Variants in GCA observed in about 807,000 individuals in gnomAD.
GCA encodes grancalcin, EF-hand calcium-binding protein.
A neutral mutation model predicts 32.6 loss-of-function variants in GCA; 30 were observed. The observed-to-expected ratio is 0.92, with a 90% CI of 0.69 to 1.25. The LOEUF (loss-of-function observed/expected upper bound fraction) is 1.25. Among genes scored for constraint, GCA ranks in the 50% most tolerant of loss-of-function variants. The pLI, the probability that GCA is intolerant of heterozygous loss-of-function variation, is 0.00. For missense variants in GCA, 291 were observed against 266.8 expected, an observed-to-expected ratio of 1.09 and a Z score of -0.63; for synonymous variants, 102 against 84.6, an observed-to-expected ratio of 1.21 and a Z score of -1.13.
intron 1 of GCA, among the ~76,000 whole-genome samples, chr2:162,321,847 A>G (rs1240497246): frequency 7.0e-6 from 1 of 143,612 alleles, no homozygotes; most frequent in East Asian, 2.1e-4. Flanking sequence ...GCTAGTCTTC[A>G]AAGAATGCAC....
chr2:162,365,105 GA>G (rs899168619), downstream of GCA, among the ~76,000 whole-genome samples: 3 of 151,294 alleles, frequency 2.0e-5, no homozygotes, highest in Non-Finnish European at 4.4e-5. Context: ...TAAAATGTTG[GA>G]AAAAGTTGGC....
chr2:162,352,549 C>T (rs1043808225), intron 3 of GCA, 142 bp downstream of exon 3: 15 of 590,096 alleles, frequency 2.5e-5, no homozygotes, highest in African/African-American at 3.8e-5. Flanking sequence ...CTGTAAAACT[C>T]GTTATGAAAA....
At chr2:162,336,109 A>AT (rs751776757) in intron 1 of GCA, among the ~76,000 whole-genome samples, 149 of 151,808 alleles carry the variant, frequency 9.8e-4, no homozygotes, top group Non-Finnish European at 1.6e-3. Flanking sequence ...ATATCAGCTG[A>AT]TTTTTTTTTG....
At chr2:162,321,909 TA>T (rs1558881564) in intron 1 of GCA, among the ~76,000 whole-genome samples, 2 of 108,150 alleles carry the variant, frequency 1.8e-5, no homozygotes, top group Non-Finnish European at 3.9e-5. Flanking sequence ...TATATATATA[TA>T]TATATATATA....
chr2:162,371,984 G>T, downstream of GCA: 1 of 1,613,808 alleles, frequency 6.2e-7, no homozygotes, highest in Non-Finnish European at 8.5e-7. Flanking sequence ...TCACTGTCTT[G>T]TTTTAAAAGT....
At chr2:162,321,808 T>C (rs533216552) in intron 1 of GCA, among the ~76,000 whole-genome samples, 1 of 150,170 alleles carries the variant, frequency 6.7e-6, no homozygotes, top group South Asian at 2.1e-4. Flanking sequence ...ACTACGCTTA[T>C]ATAAAAATTA....
intron 1 of GCA, among the ~76,000 whole-genome samples, chr2:162,337,440 C>G (rs1684303901): frequency 6.6e-6 from 1 of 152,174 alleles, no homozygotes; most frequent in South Asian, 2.1e-4. Context: ...GTTTATCTTA[C>G]CTATGTCAAC....
rs77927151 is a variant in GCA, at chr2:162,362,185, C to T, written c.*1942C>T. The T allele has an allele frequency of 1.8e-3, 1,762 of 984,384 alleles. 64 individuals carry two copies. In the East Asian group the frequency reaches 0.086, roughly 48 times the overall value. The allele number at this position is 984,384 out of a possible 1,614,324, so 61.0% of individuals were successfully genotyped here. On this transcript the variant is annotated 3_prime_UTR_variant, in exon 8 of 8. Transcript: ENST00000437150. Reference sequence around the variant, plus strand: ...CAAGGTATATTAGCATCTGAAACCCCAAGGTTAATAAAATCAGTCATGTTT... The same window carrying T: ...CAAGGTATATTAGCATCTGAAACCCTAAGGTTAATAAAATCAGTCATGTTT...
intron 2 of GCA, among the ~76,000 whole-genome samples, chr2:162,350,214 C>G (rs1474543989): frequency 1.1e-4 from 16 of 152,140 alleles, no homozygotes; most frequent in Admixed American, 1.0e-3. Context: ...GGGAGCAAGC[C>G]TTGGCTGTGG....
chr2:162,319,862 G>A (rs144816123), intron 1 of GCA, among the ~76,000 whole-genome samples: 1 of 152,292 alleles, frequency 6.6e-6, no homozygotes, highest in Non-Finnish European at 1.5e-5. Context: ...GTGTAGGCCA[G>A]GAAAACCTGA....
chr2:162,361,395 T>C lies in GCA; in HGVS notation c.*1152T>C. On this transcript the variant is annotated 3_prime_UTR_variant, in exon 8 of 8. Coordinates refer to ENST00000437150, the MANE Select transcript of GCA (RefSeq NM_012198.5). ...CACCTCATGTCTGTCTTAGTGAAGA[T>C]TTAATAAACCACTTATTTTTCTTAT... The C allele has an allele frequency of 1.0e-6, 1 of 978,442 alleles. No individual in the cohort carries two copies. The highest frequency in any genetic ancestry group is 1.2e-6 in the Non-Finnish European group (1 of 823,744). The allele number at this position is 978,442 out of a possible 1,614,324, so 60.6% of individuals were successfully genotyped here. A position where few individuals can be genotyped will look rare whatever the true frequency, so the allele number is the denominator to read the frequency against.
chr2:162,336,223 A>C (rs1684266019), intron 1 of GCA, among the ~76,000 whole-genome samples: 1 of 152,226 alleles, frequency 6.6e-6, no homozygotes, highest in Admixed American at 6.5e-5. Flanking sequence ...AAATTTATAC[A>C]TGAAAAGCTA....
At position 162,347,795 on chromosome 2, in the gene GCA, G is replaced by T. The variant is rs1477857037; in HGVS notation, c.192+53G>T. ...ATGTCTTTAAAATTATTGTTTAAGA[G>T]AAATGTCAGCTATTTAGAGTATCAT... On this transcript the variant is annotated intron_variant, in intron 2 of 7. Transcript: ENST00000437150. 4 of 1,083,712 alleles carry T rather than the reference G, an allele frequency of 3.7e-6. No homozygotes were observed. In the East Asian group the frequency reaches 7.8e-5, roughly 21 times the overall value. The allele number at this position is 1,083,712 out of a possible 1,614,324, so 67.1% of individuals were successfully genotyped here.
At chr2:162,354,886 CTG>C (rs1308855311) in intron 3 of GCA, among the ~76,000 whole-genome samples, 3 of 152,174 alleles carry the variant, frequency 2.0e-5, no homozygotes, top group Non-Finnish European at 4.4e-5. Flanking sequence ...CCTGAAAAGT[CTG>C]TCTCTCCACT....
At position 162,362,081 on chromosome 2, in the gene GCA, T is replaced by C. The variant is rs80328908; in HGVS notation, c.*1838T>C. ...CAATTTTCATTTAAAAATGTTCTTA[T>C]GACTTTTGGTCATAGAAGGTCTATG... On this transcript the variant is annotated 3_prime_UTR_variant, in exon 8 of 8. Transcript: ENST00000437150. 5.7e-3 allele frequency: 5,594 copies of C among 983,394 alleles called. 25 individuals carry two copies. The highest frequency in any genetic ancestry group is 6.4e-3 in the Non-Finnish European group (5,327 of 828,238). The allele number at this position is 983,394 out of a possible 1,614,324, so 60.9% of individuals were successfully genotyped here.
chr2:162,347,842 T>A, intron 2 of GCA, 100 bp downstream of exon 2: 1 of 635,286 alleles, frequency 1.6e-6, no homozygotes, highest in Non-Finnish European at 2.4e-6. Flanking sequence ...ATGAAATTTA[T>A]ATTTTATATG....
Position 162,361,151 on chromosome 2 carries a change from T to C in GCA, c.*908T>C, listed in dbSNP as rs543883764. On this transcript the variant is annotated 3_prime_UTR_variant, in exon 8 of 8. Coordinates refer to ENST00000437150, the MANE Select transcript of GCA (RefSeq NM_012198.5). ...TTCAGAAATTTTACATTTGACTTAT[T>C]TGACAACATTAACATTAGTGGTGGC... is the stretch of plus-strand genomic sequence containing the variant. The C allele has an allele frequency of 2.3e-4, 228 of 983,930 alleles. No individual in the cohort carries two copies. The highest frequency in any genetic ancestry group is 2.7e-4 in the Non-Finnish European group (223 of 828,340). 60.9% of individuals were successfully genotyped at this position (983,930 alleles called of 1,614,324 possible).
rs755562763 is a variant in GCA at position 162,347,643 on chromosome 2, A to G, written c.93A>G (p.Pro31=). The G allele has an allele frequency of 6.2e-7, 1 of 1,611,504 alleles. No individual in the cohort carries two copies. The highest frequency in any genetic ancestry group is 1.1e-5 in the South Asian group (1 of 90,810). ...QMGQPVPETG[P]AILLDGYSGP... ...GACAGCCAGTGCCAGAAACAGGCCC[A>G]GCTATACTCCTCGATGGATACTCTG... Residue 31 remains proline, a synonymous_variant, in exon 2 of 8, where the codon CCA becomes CCG. Coordinates refer to ENST00000437150, the MANE Select transcript of GCA (RefSeq NM_012198.5).
intron 2 of GCA, 127 bp from the exon 3 acceptor site, chr2:162,352,211 G>T (rs1685035636): frequency 5.0e-6 from 3 of 597,878 alleles, no homozygotes; most frequent in Non-Finnish European, 9.0e-6. Context: ...CTAGAATTTT[G>T]TAGTTAATTA....
Sources: gnomAD v4.1 joint callset for allele counts (sites outside exome capture counted in the v4.1 genomes callset) on GRCh38, gnomAD v4.1.1 for gene constraint, MANE v1.5 for transcripts, NCBI Gene and HGNC (gene_info 2026-07-23, HGNC 2026-07-21) for gene names.